CDKAL1: variants seen among roughly 807,000 people sequenced by gnomAD.
CDKAL1 encodes the protein threonylcarbamoyladenosine tRNA methylthiotransferase.
In CDKAL1, 32 loss-of-function variants were observed where a neutral mutation model predicts 68.2. The observed-to-expected ratio is 0.47, with a 90% CI of 0.35 to 0.63. The LOEUF is 0.63. Ranked by LOEUF, CDKAL1 falls within the 30% of genes least tolerant of loss-of-function variation. The pLI is 0.00. For missense variants in CDKAL1, 606 were observed against 696.7 expected (o/e 0.87, Z 1.47); for synonymous variants, 234 against 244.3 (o/e 0.96, Z 0.39).
intron 12 of CDKAL1, among the ~76,000 whole-genome samples, chr6:21,075,466 G>A (rs964165610): frequency 6.6e-6 from 1 of 151,622 alleles, no homozygotes; most frequent in Non-Finnish European, 1.5e-5. Context: ...TGAATTCTTC[G>A]CCTTGATTGC....
intron 13 of CDKAL1, among the ~76,000 whole-genome samples, chr6:21,144,727 G>A (rs546328153): frequency 5.9e-5 from 9 of 152,046 alleles, no homozygotes; most frequent in African/African-American, 1.9e-4. Flanking sequence ...CTGAGCCCAG[G>A]AGGTGGAGGC....
At chr6:21,201,050 C>G in intron 14 of CDKAL1, 60 bp from the exon 15 acceptor site, 2 of 1,439,568 alleles carry the variant, frequency 1.4e-6, no homozygotes, top group Non-Finnish European at 1.9e-6. Context: ...AAATCTGAAA[C>G]TGTTCTAAAG....
chr6:21,047,494 A>G (rs997468292), intron 11 of CDKAL1, among the ~76,000 whole-genome samples: 4 of 152,292 alleles, frequency 2.6e-5, no homozygotes, highest in East Asian at 1.9e-4. Flanking sequence ...AATAAAGCCT[A>G]TTGCTTTATT....
chr6:21,163,740 G>C (rs1025857886), intron 13 of CDKAL1, among the ~76,000 whole-genome samples: 1 of 152,106 alleles, frequency 6.6e-6, no homozygotes, highest in Non-Finnish European at 1.5e-5. Context: ...ATCACCTGAG[G>C]TCAGGAGTTT....
intron 9 of CDKAL1, among the ~76,000 whole-genome samples, chr6:20,918,183 T>C (rs1320972334): frequency 6.6e-6 from 1 of 152,192 alleles, no homozygotes; most frequent in African/African-American, 2.4e-5. Flanking sequence ...CAGAGAAGCC[T>C]CCATCTATGA....
At chr6:20,965,731 C>T (rs1765275379) in intron 10 of CDKAL1, among the ~76,000 whole-genome samples, 1 of 152,168 alleles carries the variant, frequency 6.6e-6, no homozygotes, top group Non-Finnish European at 1.5e-5. Context: ...TCCTTAATTT[C>T]ACCCGGAGTA....
chr6:21,064,946 A>C (rs1177514150), intron 11 of CDKAL1, 102 bp from the exon 12 acceptor site: 3 of 712,436 alleles, frequency 4.2e-6, no homozygotes, highest in Non-Finnish European at 6.3e-6. Flanking sequence ...TTTTTATAAA[A>C]ATAAATTTTA....
At chr6:20,781,314 A>G (rs776170554) in intron 8 of CDKAL1, 49 bp downstream of exon 8, 2 of 1,513,126 alleles carry the variant, frequency 1.3e-6, no homozygotes, top group South Asian at 1.3e-5. Flanking sequence ...TATTTCATGA[A>G]TTCAGTTTTT....
At position 20,600,985 on chromosome 6, in the gene CDKAL1, T is replaced by A. The variant is rs1005206395; in HGVS notation, c.287-48308T>A. ...CTGGCATGTTTTTGTTACCAAGTTC[T>A]GAGTGCTGAATGAGAAACAGTCATG... On this transcript the variant is annotated intron_variant, in intron 4 of 15. Transcript: ENST00000274695. 2.0e-5 allele frequency among the ~76,000 whole-genome samples: 3 copies of A among 152,140 alleles called. No homozygotes were observed. The South Asian group carries it at 6.2e-4, about 32-fold the overall frequency.
chr6:20,708,451 A>T (rs1043159447), intron 5 of CDKAL1, among the ~76,000 whole-genome samples: 1 of 152,304 alleles, frequency 6.6e-6, no homozygotes, highest in Admixed American at 6.5e-5. Context: ...TATGAGACAG[A>T]TTGGATTTAG....
chr6:21,041,427 A>G (rs1769917733), intron 11 of CDKAL1, among the ~76,000 whole-genome samples: 1 of 152,222 alleles, frequency 6.6e-6, no homozygotes, highest in Non-Finnish European at 1.5e-5. Flanking sequence ...TATGCACACC[A>G]TCAGCAGATG....
intron 9 of CDKAL1, among the ~76,000 whole-genome samples, chr6:20,934,157 T>G (rs1265332108): frequency 6.6e-6 from 1 of 152,146 alleles, no homozygotes; most frequent in East Asian, 1.9e-4. Flanking sequence ...CATGGCTGGA[T>G]CTCCTTGACG....
At chr6:20,807,364 C>T (rs1776615589) in intron 8 of CDKAL1, among the ~76,000 whole-genome samples, 1 of 152,164 alleles carries the variant, frequency 6.6e-6, no homozygotes, top group Non-Finnish European at 1.5e-5. Context: ...GCTGGCACTA[C>T]AGGCGCATGC....
At chr6:21,058,414 A>G (rs892433684) in intron 11 of CDKAL1, among the ~76,000 whole-genome samples, 5 of 152,198 alleles carry the variant, frequency 3.3e-5, no homozygotes, top group African/African-American at 9.7e-5. Context: ...GTCTTTGCAC[A>G]TGAGATGGGT....
chr6:20,753,705 C>T (rs2819994), intron 6 of CDKAL1, among the ~76,000 whole-genome samples: 23,992 of 152,062 alleles, frequency 0.16, 2,083 homozygotes, highest in East Asian at 0.34. Context: ...ACTTCCGTTC[C>T]CAGTTTTTGC....
intron 10 of CDKAL1, among the ~76,000 whole-genome samples, chr6:20,991,702 C>A: frequency 8.6e-6 from 1 of 116,216 alleles, no homozygotes; most frequent in Admixed American, 9.4e-5. Flanking sequence ...GTGATATTCC[C>A]TCTCAAAAAA....
intron 10 of CDKAL1, chr6:20,993,518 G>C (rs1032445185): frequency 6.6e-6 from 1 of 152,100 alleles, no homozygotes; most frequent in East Asian, 1.9e-4. Context: ...TTGCACAGGG[G>C]CCATGCTAGT....
chr6:20,932,529 A>G (rs1050424754), intron 9 of CDKAL1, among the ~76,000 whole-genome samples: 107 of 152,324 alleles, frequency 7.0e-4, no homozygotes, highest in African/African-American at 2.5e-3. Context: ...CTACAAAGGG[A>G]TTCCTGCTGA....
At chr6:20,694,595 AT>A (rs752622157) in intron 5 of CDKAL1, among the ~76,000 whole-genome samples, 71 of 152,140 alleles carry the variant, frequency 4.7e-4, no homozygotes, top group Admixed American at 1.1e-3. Context: ...AGTCCCACCC[AT>A]TTCTTTCACC....
Sources: allele counts gnomAD v4.1 joint callset (sites outside exome capture counted in the v4.1 genomes callset), GRCh38; gene constraint gnomAD v4.1.1; transcripts MANE v1.5; gene names NCBI Gene and HGNC (gene_info 2026-07-23, HGNC 2026-07-21).